Variants in RIT2 observed in about 807,000 individuals in gnomAD.
RIT2 encodes the protein Ras like without CAAX 2.
RIT2 carries 24 observed loss-of-function variants against 23.7 expected under a neutral mutation model. That is an observed-to-expected ratio of 1.01 (90% confidence interval 0.73 to 1.43). RIT2 has a LOEUF of 1.43. Ranked by LOEUF, RIT2 falls within the 40% of genes most tolerant of loss-of-function variation. The pLI is 0.00. For synonymous variants in RIT2, 107 were observed against 91.1 expected (o/e 1.17, Z -0.99); for missense variants, 236 against 266.9 (o/e 0.88, Z 0.81).
In RIT2 at chr18:42,780,107, C is replaced by A. The variant is rs1366418330; in HGVS notation, c.427-36387G>T. On this transcript the variant is annotated intron_variant, in intron 4 of 4. Coordinates refer to ENST00000326695, the MANE Select transcript of RIT2 (RefSeq NM_002930.4). ...TTAGGGATCATGGCCCCTGTCACAG[C>A]CTCAAGGGGTCCTGAGGACATGTAC... Among the ~76,000 whole-genome samples, 7 of 123,188 alleles carry A rather than the reference C, an allele frequency of 5.7e-5. No homozygotes were observed. The South Asian group carries it at 1.6e-3, about 29-fold the overall frequency. The allele number at this position is 123,188 out of a possible 152,430, so 80.8% of individuals were successfully genotyped here.
At chr18:43,108,067 G>A (rs1049873067) in intron 1 of RIT2, among the ~76,000 whole-genome samples, 3 of 151,112 alleles carry the variant, frequency 2.0e-5, no homozygotes, top group African/African-American at 7.3e-5. Context: ...CCAGTTATTC[G>A]GGGAGGCTGA....
At chr18:42,951,525 T>A (rs1909851378) in intron 3 of RIT2, among the ~76,000 whole-genome samples, 2 of 151,822 alleles carry the variant, frequency 1.3e-5, no homozygotes, top group Admixed American at 1.3e-4. Context: ...AACCTCAGCA[T>A]CACACAATAT....
chr18:42,989,727 C>G (rs910920888), intron 2 of RIT2, among the ~76,000 whole-genome samples: 1 of 152,286 alleles, frequency 6.6e-6, no homozygotes, highest in Admixed American at 6.5e-5. Context: ...AACCGTAGAT[C>G]TCTGTAGATT....
chr18:43,040,309 A>G (rs1912097723), intron 1 of RIT2, among the ~76,000 whole-genome samples: 1 of 152,226 alleles, frequency 6.6e-6, no homozygotes, highest in South Asian at 2.1e-4. Flanking sequence ...AGTAGAATGT[A>G]TAAGAACGCT....
At chr18:42,745,073 A>G (rs1912886718) in intron 4 of RIT2, among the ~76,000 whole-genome samples, 1 of 152,194 alleles carries the variant, frequency 6.6e-6, no homozygotes, top group Non-Finnish European at 1.5e-5. Flanking sequence ...AGGGTTGAAT[A>G]AGTATTAACT....
At chr18:42,776,393 C>T (rs1387122111) in intron 4 of RIT2, among the ~76,000 whole-genome samples, 2 of 152,134 alleles carry the variant, frequency 1.3e-5, no homozygotes. Flanking sequence ...AACTCATAGA[C>T]TTACACATAA....
intron 4 of RIT2, among the ~76,000 whole-genome samples, chr18:42,843,334 G>C (rs1906819066): frequency 6.6e-6 from 1 of 152,164 alleles, no homozygotes; most frequent in African/African-American, 2.4e-5. Flanking sequence ...AAAATCTCCA[G>C]CTGCCTCTAG....
At chr18:42,832,807 C>T (rs1906496175) in intron 4 of RIT2, among the ~76,000 whole-genome samples, 3 of 151,988 alleles carry the variant, frequency 2.0e-5, no homozygotes, top group Non-Finnish European at 4.4e-5. Flanking sequence ...AATCCCAGCA[C>T]TTTGGGAGGC....
At chr18:42,956,376 G>A (rs1274391379) in intron 3 of RIT2, among the ~76,000 whole-genome samples, 1 of 152,126 alleles carries the variant, frequency 6.6e-6, no homozygotes, top group East Asian at 1.9e-4. Context: ...CTCCTTTGCT[G>A]TCATTCTGCT....
intron 3 of RIT2, among the ~76,000 whole-genome samples, chr18:42,926,303 T>C (rs1909179275): frequency 6.6e-6 from 1 of 151,932 alleles, no homozygotes; most frequent in South Asian, 2.1e-4. Context: ...TCCTTTCATT[T>C]GTATTTATTA....
At chr18:43,094,857 A>G (rs1913513444) in intron 1 of RIT2, among the ~76,000 whole-genome samples, 1 of 151,774 alleles carries the variant, frequency 6.6e-6, no homozygotes, top group Non-Finnish European at 1.5e-5. Context: ...GATGGTTTCC[A>G]GCTTCATCCA....
intron 3 of RIT2, among the ~76,000 whole-genome samples, chr18:42,933,957 G>T (rs1429713909): frequency 1.3e-5 from 2 of 149,322 alleles, no homozygotes; most frequent in East Asian, 4.0e-4. Flanking sequence ...GTCGAAGGTT[G>T]CAGTGAGCCG....
At chr18:43,085,680 T>G (rs192220709) in intron 1 of RIT2, among the ~76,000 whole-genome samples, 1 of 152,274 alleles carries the variant, frequency 6.6e-6, no homozygotes, top group East Asian at 1.9e-4. Context: ...ATTTCCTTAT[T>G]TTCTTAAGGT....
At chr18:42,996,387 A>G (rs963968133) in intron 2 of RIT2, among the ~76,000 whole-genome samples, 2 of 152,142 alleles carry the variant, frequency 1.3e-5, no homozygotes, top group Admixed American at 1.3e-4. Context: ...TATTAATATA[A>G]GAAGACAGGA....
chr18:42,913,027 GTCAGTCTGGTAGTGGCAGAAAGACGGA>G (rs1908811173), intron 4 of RIT2, among the ~76,000 whole-genome samples: 1 of 151,864 alleles, frequency 6.6e-6, no homozygotes, highest in East Asian at 1.9e-4. Flanking sequence ...AACTAATCAA[GTCAGTCTGGTAGTGGCAGAAAGACGGA>G]TCAAAGGAAC....
chr18:42,990,828 C>G (rs969492752), intron 2 of RIT2, among the ~76,000 whole-genome samples: 1 of 151,250 alleles, frequency 6.6e-6, no homozygotes, highest in African/African-American at 2.4e-5. Flanking sequence ...ACTTTACAAT[C>G]ACAGACCCAA....
chr18:42,890,996 G>A (rs1908158070), intron 4 of RIT2, among the ~76,000 whole-genome samples: 1 of 152,116 alleles, frequency 6.6e-6, no homozygotes, highest in Non-Finnish European at 1.5e-5. Flanking sequence ...AGGAGGTTTT[G>A]ATGAATTCTT....
intron 4 of RIT2, among the ~76,000 whole-genome samples, chr18:42,902,414 G>A (rs1267346069): frequency 6.6e-6 from 1 of 151,708 alleles, no homozygotes; most frequent in Non-Finnish European, 1.5e-5. Flanking sequence ...TGCAACCAGT[G>A]AAAGTCCCAT....
At chr18:42,904,013 C>T (rs1008565381) in intron 4 of RIT2, among the ~76,000 whole-genome samples, 11 of 151,790 alleles carry the variant, frequency 7.2e-5, no homozygotes, top group African/African-American at 9.7e-5. Flanking sequence ...TACAAAATAG[C>T]GGTATAAATT....
Sources: gnomAD v4.1 joint callset for allele counts (sites outside exome capture counted in the v4.1 genomes callset) on GRCh38, gnomAD v4.1.1 for gene constraint, MANE v1.5 for transcripts, NCBI Gene and HGNC (gene_info 2026-07-23, HGNC 2026-07-21) for gene names.